The following GPC6 variants were observed in gnomAD, a reference collection of about 807,000 sequenced individuals.
The protein encoded by GPC6 is glypican 6.
A neutral mutation model predicts 55.2 loss-of-function variants in GPC6; 14 were observed. That is an observed-to-expected ratio of 0.25 (90% CI 0.17 to 0.40). The LOEUF is 0.40. Ranked by LOEUF, GPC6 falls within the 10% of genes least tolerant of loss-of-function variation. GPC6 has a pLI of 1.00. For missense variants in GPC6, 641 were observed against 708.5 expected (o/e 0.90, Z 1.08); for synonymous variants, 278 against 259.6 (o/e 1.07, Z -0.68).
chr13:93,724,528 ATT>A (rs1883561424), intron 2 of GPC6, among the ~76,000 whole-genome samples: 1 of 151,990 alleles, frequency 6.6e-6, no homozygotes, highest in South Asian at 2.1e-4. Context: ...TCTAAATAAA[ATT>A]TCTGGTACAA....
intron 1 of GPC6, among the ~76,000 whole-genome samples, chr13:93,489,163 G>C (rs1330028451): frequency 1.3e-5 from 2 of 151,468 alleles, no homozygotes; most frequent in Admixed American, 6.5e-5. Flanking sequence ...TGTAAGGAAA[G>C]GATCCAGTTT....
At chr13:94,281,076 C>G (rs1172378803) in intron 4 of GPC6, among the ~76,000 whole-genome samples, 1 of 151,904 alleles carries the variant, frequency 6.6e-6, no homozygotes, top group Non-Finnish European at 1.5e-5. Flanking sequence ...TTATAGTGAC[C>G]CTCTTTGGCA....
At chr13:94,169,686 G>A (rs556594254) in intron 4 of GPC6, among the ~76,000 whole-genome samples, 5 of 152,130 alleles carry the variant, frequency 3.3e-5, no homozygotes, top group South Asian at 4.1e-4. Flanking sequence ...TATCCCTTGC[G>A]GGATCCTGAG....
At chr13:93,663,695 T>C (rs1487424830) in intron 2 of GPC6, among the ~76,000 whole-genome samples, 1 of 152,226 alleles carries the variant, frequency 6.6e-6, no homozygotes, top group Non-Finnish European at 1.5e-5. Context: ...AAACGTAATC[T>C]AGACAATCTT....
At chr13:93,693,575 C>T (rs1473887511) in intron 2 of GPC6, among the ~76,000 whole-genome samples, 1 of 151,808 alleles carries the variant, frequency 6.6e-6, no homozygotes, top group African/African-American at 2.4e-5. Context: ...GTCTCCTGGG[C>T]GCAAGCAATC....
intron 6 of GPC6, among the ~76,000 whole-genome samples, chr13:94,371,003 CA>C (rs1452874411): frequency 8.5e-5 from 13 of 152,118 alleles, no homozygotes; most frequent in African/African-American, 2.7e-4. Context: ...AGTTTCTTTT[CA>C]AAAGCTATTT....
At chr13:93,359,065 C>T (rs530127732) in intron 1 of GPC6, among the ~76,000 whole-genome samples, 12 of 150,382 alleles carry the variant, frequency 8.0e-5, no homozygotes, top group African/African-American at 2.7e-4. Flanking sequence ...ACCTCCTGGG[C>T]TCGAGATCCT....
At chr13:94,315,361 G>A (rs910324252) in intron 6 of GPC6, among the ~76,000 whole-genome samples, 14 of 152,210 alleles carry the variant, frequency 9.2e-5, no homozygotes, top group African/African-American at 3.1e-4. Flanking sequence ...TGTTCATTAT[G>A]CATTGGCTGT....
At chr13:93,415,087 A>G (rs1423477793) in intron 1 of GPC6, among the ~76,000 whole-genome samples, 1 of 152,136 alleles carries the variant, frequency 6.6e-6, no homozygotes, top group Non-Finnish European at 1.5e-5. Context: ...TTACCATGAC[A>G]GACTCAACTG....
intron 6 of GPC6, among the ~76,000 whole-genome samples, chr13:94,353,307 T>A (rs1408486803): frequency 6.6e-6 from 1 of 152,102 alleles, no homozygotes; most frequent in African/African-American, 2.4e-5. Context: ...ACCCATTTCA[T>A]CATTTAATCC....
chr13:93,348,033 G>A (rs943384560), intron 1 of GPC6, among the ~76,000 whole-genome samples: 2 of 152,112 alleles, frequency 1.3e-5, no homozygotes, highest in African/African-American at 2.4e-5. Flanking sequence ...ATTCCCTACT[G>A]CACAACATTT....
At chr13:93,834,983 G>T (rs1887678758) in intron 3 of GPC6, among the ~76,000 whole-genome samples, 1 of 152,180 alleles carries the variant, frequency 6.6e-6, no homozygotes, top group African/African-American at 2.4e-5. Flanking sequence ...ATGGATACCA[G>T]CCGTCACTCT....
At chr13:93,629,221 A>G (rs1189461573) in intron 2 of GPC6, among the ~76,000 whole-genome samples, 1 of 152,138 alleles carries the variant, frequency 6.6e-6, no homozygotes, top group Non-Finnish European at 1.5e-5. Context: ...TCTGGTAAAT[A>G]TATTGAAAAT....
At chr13:93,714,679 G>T (rs977733813) in intron 2 of GPC6, among the ~76,000 whole-genome samples, 1 of 151,654 alleles carries the variant, frequency 6.6e-6, no homozygotes, top group Non-Finnish European at 1.5e-5. Flanking sequence ...GTACAAGAAG[G>T]AATTCAGGAG....
chr13:93,930,758 G>T (rs907221345), intron 3 of GPC6, among the ~76,000 whole-genome samples: 3 of 151,956 alleles, frequency 2.0e-5, no homozygotes, highest in Non-Finnish European at 4.4e-5. Context: ...TTTAAGATGG[G>T]CACAGAGTAT....
intron 1 of GPC6, among the ~76,000 whole-genome samples, chr13:93,463,406 G>C (rs1878776514): frequency 6.6e-6 from 1 of 152,176 alleles, no homozygotes; most frequent in African/African-American, 2.4e-5. Flanking sequence ...TCTTGCCAGA[G>C]CTGGACATCT....
intron 3 of GPC6, among the ~76,000 whole-genome samples, chr13:93,907,851 G>T (rs531142178): frequency 1.3e-5 from 2 of 152,140 alleles, no homozygotes; most frequent in African/African-American, 2.4e-5. Context: ...TACCTATATT[G>T]TATATGTATT....
chr13:94,148,300 A>C (rs1053165723), intron 4 of GPC6, among the ~76,000 whole-genome samples: 1 of 152,194 alleles, frequency 6.6e-6, no homozygotes, highest in Non-Finnish European at 1.5e-5. Context: ...CACTGCTTTC[A>C]TATTTCAAAT....
chr13:94,188,631 G>A (rs1291798140), intron 4 of GPC6, among the ~76,000 whole-genome samples: 2 of 152,212 alleles, frequency 1.3e-5, no homozygotes, highest in African/African-American at 2.4e-5. Flanking sequence ...GGTGGATGCC[G>A]TGAGGTGTCA....
Sources: gnomAD v4.1 joint callset for allele counts (sites outside exome capture counted in the v4.1 genomes callset) on GRCh38, gnomAD v4.1.1 for gene constraint, MANE v1.5 for transcripts, NCBI Gene and HGNC (gene_info 2026-07-23, HGNC 2026-07-21) for gene names.